The following CTSB variants were observed in gnomAD, a reference collection of about 807,000 sequenced individuals.
CTSB encodes cathepsin B.
In CTSB, 57 loss-of-function variants were observed where a neutral mutation model predicts 44.3. The ratio of observed to expected loss-of-function variants is 1.29; its 90% CI spans 1.04 to 1.60. CTSB has a LOEUF of 1.60. CTSB is among the 40% of genes most tolerant of loss of function. The probability of loss-of-function intolerance (pLI) is 0.00; values close to 1 mark genes in which losing one functional copy is unlikely to be tolerated. For missense variants in CTSB, 768 were observed against 443.0 expected (o/e 1.73, Z -6.59); for synonymous variants, 320 against 168.0 (o/e 1.91, Z -7.00).
At position 11,845,057 on chromosome 8, in the gene CTSB, C is replaced by CTT; in HGVS notation, c.*66_*67dup. On this transcript the variant is annotated 3_prime_UTR_variant, in exon 10 of 10. Transcript: ENST00000353047. The stretch of plus-strand genomic sequence containing the variant: ...GTCTGAAACTTGTATCTTACGTGAA[C>CTT]TTAAAGAATAAAATGCATTTCTACC... 9.3e-7 allele frequency: 1 copy of CTT among 1,080,082 alleles called. No individual in the cohort carries two copies. Among genetic ancestry groups the CTT allele is most frequent in the Non-Finnish European group, 1.4e-6 (1 of 701,650 alleles). The allele number at this position is 1,080,082 out of a possible 1,614,324, so 66.9% of individuals were successfully genotyped here.
intron 4 of CTSB, chr8:11,849,711 G>C (rs753855527): frequency 2.6e-5 from 4 of 152,314 alleles, no homozygotes; most frequent in African/African-American, 4.8e-5. Context: ...CTCTATAGTA[G>C]CTGGGATTAT....
chr8:11,854,785 GAA>G (rs1563414038), intron 1 of CTSB: 1 of 152,368 alleles, frequency 6.6e-6, no homozygotes, highest in Non-Finnish European at 1.5e-5. Context: ...CCAGCCAGTG[GAA>G]AAGAGCTCTG....
At chr8:11,853,652 A>G (rs1815010767) in intron 1 of CTSB, 173 bp from the exon 2 acceptor site, 1 of 603,712 alleles carries the variant, frequency 1.7e-6, no homozygotes, top group Non-Finnish European at 2.7e-6. Flanking sequence ...TGCCCGAAGC[A>G]CGCCATGACC....
rs763775896 is a variant in CTSB at position 11,847,840 on chromosome 8, A to T, written c.533-18T>A. 6.4e-7 allele frequency: 1 copy of T among 1,554,996 alleles called. No individual in the cohort carries two copies. The highest frequency in any genetic ancestry group is 1.2e-5 in the South Asian group (1 of 85,116). On this transcript the variant is annotated intron_variant, in intron 6 of 9. Transcript: ENST00000353047. The stretch of plus-strand genomic sequence containing the variant: ...TCTGCACCCTGATGGGACGCGGGAG[A>T]AAGCGGAGTCAACCTACAGCCCCCA...
In CTSB at chr8:11,848,161, A is replaced by G; in HGVS notation, c.447-9T>C. 1 of 1,612,634 alleles carries G rather than the reference A, an allele frequency of 6.2e-7. No individual in the cohort carries two copies. The highest frequency in any genetic ancestry group is 8.5e-7 in the Non-Finnish European group (1 of 1,178,616). ...GATAGCCACCATTACAGCTGAAAAG[A>G]CAGCCTCTAATGAAAACCTCTGAGA... is the stretch of plus-strand genomic sequence containing the variant. On this transcript the variant is annotated splice_polypyrimidine_tract_variant and intron_variant, in intron 5 of 9. Transcript: ENST00000353047.
chr8:11,848,008 G>A lies in CTSB; in HGVS notation c.532+59C>T, dbSNP rs1031782611. ...AGTTTATAAAGGCAAATAAAGCCAT[G>A]ATGGTTAATTGCTCAAACAATCCAT... On this transcript the variant is annotated intron_variant, in intron 6 of 9. Coordinates refer to ENST00000353047, the MANE Select transcript of CTSB (RefSeq NM_001908.5). 14 of 1,438,390 alleles carry A rather than the reference G, an allele frequency of 9.7e-6. No individual in the cohort carries two copies. The African/African-American group carries it at 9.9e-5, about 10-fold the overall frequency. The allele number at this position is 1,438,390 out of a possible 1,614,324, so 89.1% of individuals were successfully genotyped here.
chr8:11,843,503 T>G lies in CTSB; in HGVS notation c.*1622A>C, dbSNP rs971365501. 3.9e-5 allele frequency: 6 copies of G among 152,236 alleles called. No individual in the cohort carries two copies. Among genetic ancestry groups the G allele is most frequent in the African/African-American group, 7.2e-5 (3 of 41,452 alleles). The allele number at this position is 152,236 out of a possible 1,614,324, so 9.4% of individuals were successfully genotyped here. On this transcript the variant is annotated 3_prime_UTR_variant, in exon 10 of 10. Coordinates refer to ENST00000353047, the MANE Select transcript of CTSB (RefSeq NM_001908.5). ...CTCTATACCAAGAACTGCTATAACA[T>G]GTTTCTAAACCAGGGCTATGCAAAG...
chr8:11,866,712 T>G (rs1180013693), intron 1 of CTSB, among the ~76,000 whole-genome samples: 1 of 152,040 alleles, frequency 6.6e-6, no homozygotes, highest in Non-Finnish European at 1.5e-5. Flanking sequence ...ATACAAAAAT[T>G]AGCTGGGCGT....
Position 11,845,717 on chromosome 8 carries a change from T to C in CTSB, c.866A>G (p.Asn289Ser), listed in dbSNP as rs1212824063. 4 of 1,614,124 alleles carry C rather than the reference T, an allele frequency of 2.5e-6. No individual in the cohort carries two copies. Among genetic ancestry groups the C allele is most frequent in the Non-Finnish European group, 3.4e-6 (4 of 1,179,980 alleles). The change falls in exon 9 of 10, where the codon AAT becomes AGT. Residue 289 changes from asparagine (N) to serine (S), a missense_variant. Asn to Ser is a conservative substitution (Grantham distance 46, BLOSUM62 1). Coordinates refer to ENST00000353047, the MANE Select transcript of CTSB (RefSeq NM_001908.5). The part of the protein sequence containing the change: ...AIRILGWGVE[N>S]GTPYWLVANS... ...GGCAACCAGCCAGTAGGGTGTGCCA[T>C]TCTCCACTCCCCAGCCCAGGATGCG...
intron 7 of CTSB, 149 bp from the exon 8 acceptor site, chr8:11,847,317 C>A (rs1488830909): frequency 7.6e-6 from 5 of 656,242 alleles, no homozygotes; most frequent in African/African-American, 7.2e-5. Flanking sequence ...AAGGAAGGCT[C>A]CCCTGAAGAA....
At chr8:11,858,918 G>C (rs1418956582) in intron 1 of CTSB, among the ~76,000 whole-genome samples, 2 of 152,082 alleles carry the variant, frequency 1.3e-5, no homozygotes, top group Non-Finnish European at 2.9e-5. Context: ...TGTGCTTTCT[G>C]CTCTGCTTCT....
At position 11,863,333 on chromosome 8, in the gene CTSB, C is replaced by G. The variant is rs570532542; in HGVS notation, c.-26+4668G>C. Among the ~76,000 whole-genome samples, 8 of 152,160 alleles carry G rather than the reference C, an allele frequency of 5.3e-5. No homozygotes were observed. In the East Asian group the frequency reaches 1.5e-3, roughly 29 times the overall value. On this transcript the variant is annotated intron_variant, in intron 1 of 9. Coordinates refer to ENST00000353047, the MANE Select transcript of CTSB (RefSeq NM_001908.5). ...AATTAGCTGGGCGTGGTGGCACACGCCTGTAATCCCAGCTACTCAGGGGGC... is the reference window on the plus strand; with the variant it reads ...AATTAGCTGGGCGTGGTGGCACACGGCTGTAATCCCAGCTACTCAGGGGGC...
At chr8:11,866,671 T>G (rs1467116901) in intron 1 of CTSB, among the ~76,000 whole-genome samples, 1 of 152,120 alleles carries the variant, frequency 6.6e-6, no homozygotes, top group Admixed American at 6.5e-5. Context: ...ATCTGCCTGG[T>G]CAACATGGTG....
chr8:11,864,192 C>A (rs1440824057), intron 1 of CTSB, among the ~76,000 whole-genome samples: 1 of 151,862 alleles, frequency 6.6e-6, no homozygotes, highest in African/African-American at 2.4e-5. Flanking sequence ...ACAAAAAGGC[C>A]TGGAGGTGAC....
intron 3 of CTSB, among the ~76,000 whole-genome samples, chr8:11,851,200 G>C (rs1275150623): frequency 6.6e-6 from 1 of 151,966 alleles, no homozygotes; most frequent in African/African-American, 2.4e-5. Context: ...GGGACGGGAG[G>C]GTGGGAGTGG....
In CTSB at chr8:11,845,166, C is replaced by A; in HGVS notation, c.979G>T (p.Ala327Ser). The part of the protein sequence containing the change: ...DHCGIESEVV[A>S]GIPRTDQYWE... Reference sequence around the variant, plus strand: ...TACTGATCGGTGCGTGGAATTCCAGCCACCACTTCTGATTCGATTCCACAG... The same window carrying A: ...TACTGATCGGTGCGTGGAATTCCAGACACCACTTCTGATTCGATTCCACAG... Residue 327 changes from alanine (A) to serine (S), a missense_variant, in exon 10 of 10, where the codon GCT (alanine) becomes TCT (serine). By Grantham distance (99) the Ala-to-Ser change is moderately conservative. Transcript: ENST00000353047. 1.9e-6 allele frequency: 3 copies of A among 1,614,098 alleles called. No homozygotes were observed. Among genetic ancestry groups the A allele is most frequent in the Non-Finnish European group, 2.5e-6 (3 of 1,179,954 alleles).
At position 11,847,825 on chromosome 8, in the gene CTSB, G is replaced by T; in HGVS notation, c.533-3C>A. The T allele has an allele frequency of 3.1e-6, 5 of 1,589,570 alleles. No homozygotes were observed. The highest frequency in any genetic ancestry group is 4.3e-6 in the Non-Finnish European group (5 of 1,172,968). ...AGGGATGGAGTACGGTCTGCACCCT[G>T]ATGGGACGCGGGAGAAAGCGGAGTC... On this transcript the variant is annotated splice_polypyrimidine_tract_variant and splice_region_variant and intron_variant, in intron 6 of 9. Coordinates refer to ENST00000353047, the MANE Select transcript of CTSB (RefSeq NM_001908.5).
intron 1 of CTSB, among the ~76,000 whole-genome samples, chr8:11,862,067 C>T (rs532363765): frequency 6.6e-6 from 1 of 152,242 alleles, no homozygotes; most frequent in African/African-American, 2.4e-5. Flanking sequence ...AATAGCCAGG[C>T]ATGGTGGCAG....
At chr8:11,854,272 C>T (rs890104552) in intron 1 of CTSB, among the ~76,000 whole-genome samples, 16 of 152,270 alleles carry the variant, frequency 1.1e-4, no homozygotes, top group African/African-American at 3.9e-4. Flanking sequence ...GGGTTCCTGT[C>T]AGTCACTCCA....
Sources: allele counts gnomAD v4.1 joint callset (sites outside exome capture counted in the v4.1 genomes callset), GRCh38; gene constraint gnomAD v4.1.1; transcripts MANE v1.5; gene names NCBI Gene and HGNC (gene_info 2026-07-23, HGNC 2026-07-21).